ERI1: variants seen among roughly 807,000 people sequenced by gnomAD.
The protein encoded by ERI1 is 3'-5' exoribonuclease 1.
Under a neutral mutation model 39.7 loss-of-function variants are expected in ERI1, and 39 were observed. That is an observed-to-expected ratio of 0.98 (90% CI 0.76 to 1.28). The LOEUF is 1.28. Among genes scored for constraint, ERI1 ranks in the 50% most tolerant of loss-of-function variants. ERI1 has a pLI of 0.00. For missense variants in ERI1, 581 were observed against 416.9 expected, an observed-to-expected ratio of 1.39 and a Z score of -3.43; for synonymous variants, 204 against 149.6, an observed-to-expected ratio of 1.36 and a Z score of -2.65.
intron 6 of ERI1, among the ~76,000 whole-genome samples, chr8:9,026,798 A>C (rs1797196932): frequency 2.0e-5 from 3 of 152,266 alleles, no homozygotes; most frequent in South Asian, 2.1e-4. Context: ...AAAAAATTTC[A>C]AATCCAAAGC....
chr8:9,049,306 A>T (rs1486803488), intron 3 of ERI1, among the ~76,000 whole-genome samples: 2 of 126,814 alleles, frequency 1.6e-5, no homozygotes, highest in East Asian at 2.7e-4. Context: ...ACTGTACTCC[A>T]GCCTGGGCGA....
Position 9,008,098 on chromosome 8 carries a change from GAGTA to G in ERI1, c.240_243del (p.Ser80ArgfsTer18), listed in dbSNP as rs1816233906. ...TTACGAATGGCTGTATTAATAGAATGAGTAAGGAAGAACTCAGAGCTAAGCTTTC... is the reference window on the plus strand; with the variant it reads ...TTACGAATGGCTGTATTAATAGAATGAGGAAGAACTCAGAGCTAAGCTTTC... On this transcript the variant is annotated frameshift_variant, in exon 2 of 7. Transcript: ENST00000250263. LOFTEE classifies it high-confidence loss of function. The G allele has an allele frequency of 1.2e-6, 2 of 1,610,666 alleles. No individual in the cohort carries two copies. Among genetic ancestry groups the G allele is most frequent in the Non-Finnish European group, 1.7e-6 (2 of 1,178,822 alleles).
intron 4 of ERI1, among the ~76,000 whole-genome samples, chr8:9,017,594 G>C (rs1390979574): frequency 1.3e-5 from 2 of 152,176 alleles, no homozygotes; most frequent in Non-Finnish European, 2.9e-5. Context: ...AGAGGGAATA[G>C]AAGACTGTCC....
At position 9,030,227 on chromosome 8, in the gene ERI1, C is replaced by T. The variant is rs1797491695; in HGVS notation, c.*193C>T. The T allele has an allele frequency of 6.0e-6, 4 of 672,156 alleles. No homozygotes were observed. Among genetic ancestry groups the T allele is most frequent in the African/African-American group, 1.8e-5 (1 of 55,332 alleles). 41.6% of individuals were successfully genotyped at this position (672,156 alleles called of 1,614,324 possible). A position where few individuals can be genotyped will look rare whatever the true frequency, so the allele number is the denominator to read the frequency against. On this transcript the variant is annotated 3_prime_UTR_variant, in exon 7 of 7. Transcript: ENST00000250263. ...GGCATACTGAATTCTTTGTCACCAG[C>T]ACTTTTGATATGAACAGTATTCGTT...
intron 3 of ERI1, among the ~76,000 whole-genome samples, chr8:9,077,493 C>G (rs1006463223): frequency 2.6e-5 from 3 of 115,248 alleles, no homozygotes; most frequent in African/African-American, 1.1e-4. Flanking sequence ...CTGACTGACG[C>G]TTTTATACCC....
chr8:9,093,186 GGAA>G (rs956010551), intron 3 of ERI1, among the ~76,000 whole-genome samples: 2 of 152,128 alleles, frequency 1.3e-5, no homozygotes, highest in African/African-American at 2.4e-5. Flanking sequence ...GGGCCACATT[GGAA>G]GAAGAAGAAT....
chr8:9,046,167 G>A (rs1056381434), intron 3 of ERI1, among the ~76,000 whole-genome samples: 4 of 152,178 alleles, frequency 2.6e-5, no homozygotes, highest in African/African-American at 9.7e-5. Flanking sequence ...ATCAGCCATC[G>A]CCATTGGTCT....
rs1250734808 is a variant in ERI1 at position 9,023,695 on chromosome 8, T to C, written c.807+3231T>C. On this transcript the variant is annotated intron_variant, in intron 6 of 6. Coordinates refer to ENST00000250263, the MANE Select transcript of ERI1 (RefSeq NM_153332.4). ...CTTTTTTTGTACCTTATCTAAGACC[T>C]AAATAAAACTCTCTGTCACAAGTTT... is the stretch of plus-strand genomic sequence containing the variant. Among the ~76,000 whole-genome samples the C allele has an allele frequency of 2.4e-5, 3 of 122,956 alleles. No homozygotes were observed. In the East Asian group the frequency reaches 1.1e-3, roughly 45 times the overall value. The allele number at this position is 122,956 out of a possible 152,430, so 80.7% of individuals were successfully genotyped here.
At chr8:9,004,132 G>C (rs1395308515) in intron 1 of ERI1, 1 of 1,289,168 alleles carries the variant, frequency 7.8e-7, no homozygotes, top group African/African-American at 1.5e-5. Flanking sequence ...AAGGATCTCT[G>C]TATGTTCCTT....
At chr8:9,050,143 C>T (rs1035814327) in intron 3 of ERI1, among the ~76,000 whole-genome samples, 2 of 148,424 alleles carry the variant, frequency 1.3e-5, no homozygotes, top group African/African-American at 5.0e-5. Context: ...AAGCACTTTA[C>T]AGAGTGCCTG....
chr8:9,051,978 G>A (rs1279222198), intron 3 of ERI1, among the ~76,000 whole-genome samples: 1 of 152,160 alleles, frequency 6.6e-6, no homozygotes, highest in African/African-American at 2.4e-5. Context: ...CACAAAATAA[G>A]TGACCTTGCT....
intron 6 of ERI1, among the ~76,000 whole-genome samples, chr8:9,026,886 G>C (rs905106775): frequency 6.6e-6 from 1 of 151,950 alleles, no homozygotes; most frequent in East Asian, 1.9e-4. Flanking sequence ...TTGATTGTTT[G>C]ATGGACATTT....
intron 3 of ERI1, among the ~76,000 whole-genome samples, chr8:9,049,499 T>C (rs1563356982): frequency 6.6e-6 from 1 of 151,700 alleles, no homozygotes; most frequent in Non-Finnish European, 1.5e-5. Context: ...CTTTGGATCT[T>C]GTCTTTATTT....
intron 5 of ERI1, among the ~76,000 whole-genome samples, chr8:9,019,591 GGCAGCCCAGGCAA>G (rs1262964698): frequency 3.9e-5 from 6 of 152,128 alleles, no homozygotes; most frequent in Admixed American, 3.9e-4. Context: ...TTAATAATTT[GGCAGCCCAGGCAA>G]GCAGCTCAGG....
chr8:9,015,712 ACT>A (rs1196897879), intron 3 of ERI1, among the ~76,000 whole-genome samples: 10 of 111,628 alleles, frequency 9.0e-5, no homozygotes, highest in South Asian at 2.8e-4. Context: ...ACAGAGCGAG[ACT>A]CTGTCTCCAA....
intron 3 of ERI1, among the ~76,000 whole-genome samples, chr8:9,047,209 TA>T (rs1798201639): frequency 6.6e-6 from 1 of 152,102 alleles, no homozygotes; most frequent in South Asian, 2.1e-4. Context: ...ATCCCACACC[TA>T]AAAATCAAAC....
chr8:9,012,872 C>T (rs987072777), intron 3 of ERI1, among the ~76,000 whole-genome samples: 2 of 152,050 alleles, frequency 1.3e-5, no homozygotes, highest in Non-Finnish European at 2.9e-5. Flanking sequence ...ATATGTTTAT[C>T]TCTTTCCTTT....
In ERI1 at chr8:9,040,729, TGG is replaced by T. The variant is rs5889257; in HGVS notation, n.299+20274_299+20275del. Among the ~76,000 whole-genome samples, 30 of 148,640 alleles carry T rather than the reference TGG, an allele frequency of 2.0e-4. No homozygotes were observed. The East Asian group carries it at 2.8e-3, about 14-fold the overall frequency. On this transcript the variant is annotated intron_variant and non_coding_transcript_variant, in intron 3 of 3. Transcript: ENST00000518663. ...TTTCATCAGTAATATAGTGTGTGTGTGGGGGGGGGGTGTGTGTTAGTTCACAT... is the reference window on the plus strand; with the variant it reads ...TTTCATCAGTAATATAGTGTGTGTGTGGGGGGGGTGTGTGTTAGTTCACAT...
chr8:9,015,578 C>A (rs1004347370), intron 3 of ERI1, among the ~76,000 whole-genome samples: 2 of 151,776 alleles, frequency 1.3e-5, no homozygotes, highest in Non-Finnish European at 2.9e-5. Context: ...AAAGATCAGC[C>A]AGGCGTGGTG....
Sources: gnomAD v4.1 joint callset for allele counts (sites outside exome capture counted in the v4.1 genomes callset) on GRCh38, gnomAD v4.1.1 for gene constraint, MANE v1.5 for transcripts, NCBI Gene and HGNC (gene_info 2026-07-23, HGNC 2026-07-21) for gene names.